CDH5: variants seen among roughly 807,000 people sequenced by gnomAD.
The protein encoded by CDH5 is cadherin-5.
In CDH5, 28 loss-of-function variants were observed where a neutral mutation model predicts 62.0. That is an observed-to-expected ratio of 0.45 (90% confidence interval 0.33 to 0.62). The LOEUF (loss-of-function observed/expected upper bound fraction) is 0.62, where lower values mean the gene tolerates loss of function less well. CDH5 is among the 20% of genes least tolerant of loss of function. The pLI is 0.02. For missense variants in CDH5, 940 were observed against 1,065.1 expected, an observed-to-expected ratio of 0.88 and a Z score of 1.63; for synonymous variants, 464 against 445.8, an observed-to-expected ratio of 1.04 and a Z score of -0.52.
At position 66,389,448 on chromosome 16, in the gene CDH5, G is replaced by C. The variant is rs199524490; in HGVS notation, c.707G>C (p.Arg236Pro). 1.2e-6 allele frequency: 2 copies of C among 1,612,312 alleles called. No individual in the cohort carries two copies. Among genetic ancestry groups the C allele is most frequent in the African/African-American group, 2.7e-5 (2 of 74,820 alleles). The change falls in exon 5 of 12, where the codon CGG (arginine) becomes CCG (proline). Residue 236 changes from arginine to proline, a missense_variant. Coordinates refer to ENST00000341529, the MANE Select transcript of CDH5 (RefSeq NM_001795.5). Reference sequence around the variant, plus strand: ...GAAGCGCGAGATGCCCAGGGCCTCCGGGGGGACTCGGGCACGGCCACCGTG... The same window carrying C: ...GAAGCGCGAGATGCCCAGGGCCTCCCGGGGGACTCGGGCACGGCCACCGTG... ...VVEARDAQGLRGDSGTATVLV... is the reference protein window; with the variant it reads ...VVEARDAQGLPGDSGTATVLV...
chr16:66,402,734 G>A lies in CDH5; in HGVS notation c.1920G>A (p.Glu640=). ...AHGKSVPEIH[E]QLVTYDEEGG... Reference sequence around the variant, plus strand: ...GCAAGAGCGTGCCGGAGATCCACGAGCAGCTGGTCACCTACGACGAGGAGG... The same window carrying A: ...GCAAGAGCGTGCCGGAGATCCACGAACAGCTGGTCACCTACGACGAGGAGG... The change falls in exon 12 of 12, where the codon GAG becomes GAA. Residue 640 remains glutamate, a synonymous_variant. Coordinates refer to ENST00000341529, the MANE Select transcript of CDH5 (RefSeq NM_001795.5). The A allele has an allele frequency of 6.2e-7, 1 of 1,609,992 alleles. No individual in the cohort carries two copies. Among genetic ancestry groups the A allele is most frequent in the Non-Finnish European group, 8.5e-7 (1 of 1,179,072 alleles).
Position 66,403,439 on chromosome 16 carries a change from C to T in CDH5, c.*270C>T, listed in dbSNP as rs892651210. On this transcript the variant is annotated 3_prime_UTR_variant, in exon 12 of 12. Transcript: ENST00000341529. The surrounding 1 kb of genome is among the most constrained non-coding windows in gnomAD (Gnocchi z 4.3). The stretch of plus-strand genomic sequence containing the variant: ...CAGACATCCACATAACCCTGTCACC[C>T]ACAGACCGCCGTCTAACTCAAAGAC... 2.1e-6 allele frequency: 1 copy of T among 487,350 alleles called. No individual in the cohort carries two copies. The highest frequency in any genetic ancestry group is 3.7e-6 in the Non-Finnish European group (1 of 269,796). 30.2% of individuals were successfully genotyped at this position (487,350 alleles called of 1,614,324 possible).
rs764435327 is a variant in CDH5, at chr16:66,392,132, G to T, written c.970-4G>T. ...GGCACTCACCATCCTTTTTCCTTAC[G>T]CAGCCTCTGGATTATGAATACATCC... On this transcript the variant is annotated splice_region_variant and splice_polypyrimidine_tract_variant and intron_variant, in intron 6 of 11. Transcript: ENST00000341529. The T allele has an allele frequency of 3.7e-6, 6 of 1,613,674 alleles. No individual in the cohort carries two copies. The African/African-American group carries it at 4.0e-5, about 11-fold the overall frequency.
rs576466338 is a variant in CDH5 at position 66,379,946 on chromosome 16, ATGG to A, written c.210+405_210+407del. Among the ~76,000 whole-genome samples the A allele has an allele frequency of 2.8e-3, 235 of 85,074 alleles. 3 individuals carry two copies. Among genetic ancestry groups the A allele is most frequent in the Non-Finnish European group, 5.0e-3 (192 of 38,120 alleles). The allele number at this position is 85,074 out of a possible 152,430, so 55.8% of individuals were successfully genotyped here. On this transcript the variant is annotated intron_variant, in intron 2 of 11. Transcript: ENST00000341529. Reference sequence around the variant, plus strand: ...GTAGGTGTTGGTGGTGATCACGGTGATGGTGGTGATGATAAAGGGGTAGGTGTT... The same window carrying A: ...GTAGGTGTTGGTGGTGATCACGGTGATGGTGATGATAAAGGGGTAGGTGTT...
chr16:66,400,832 C>T lies in CDH5; in HGVS notation c.1653C>T (p.His551=), dbSNP rs767590521. 1.2e-6 allele frequency: 2 copies of T among 1,614,110 alleles called. No individual in the cohort carries two copies. The highest frequency in any genetic ancestry group is 1.7e-6 in the Non-Finnish European group (2 of 1,180,046). ...TTGACCGGGAGCATACCAAGGTCCA[C>T]TTCCTACCCGTGGTCATCTCAGACA... is the stretch of plus-strand genomic sequence containing the variant. ...GQFDREHTKV[H]FLPVVISDNG... The change falls in exon 11 of 12, where the codon CAC becomes CAT. Residue 551 remains histidine, a synonymous_variant. Coordinates refer to ENST00000341529, the MANE Select transcript of CDH5 (RefSeq NM_001795.5).
intron 8 of CDH5, among the ~76,000 whole-genome samples, chr16:66,397,559 A>G (rs548548566): frequency 4.6e-5 from 7 of 152,308 alleles, no homozygotes; most frequent in Admixed American, 4.6e-4. Flanking sequence ...GATGTAAGTG[A>G]CATAGGCATT....
At position 66,389,481 on chromosome 16, in the gene CDH5, C is replaced by T. The variant is rs202178871; in HGVS notation, c.740C>T (p.Thr247Ile). ...TCGGGCACGGCCACCGTGCTGGTCA[C>T]TCTGCAAGACATCAATGACAACTTC... Reference protein sequence around the residue: ...GDSGTATVLVTLQDINDNFPF... With the variant: ...GDSGTATVLVILQDINDNFPF... Residue 247 changes from threonine (T) to isoleucine (I), a missense_variant, in exon 5 of 12, where the codon ACT becomes ATT. Coordinates refer to ENST00000341529, the MANE Select transcript of CDH5 (RefSeq NM_001795.5). 1.5e-5 allele frequency: 24 copies of T among 1,606,868 alleles called. No homozygotes were observed. The African/African-American group carries it at 2.3e-4, about 15-fold the overall frequency.
In CDH5 at chr16:66,396,173, T is replaced by G. The variant is rs1596944781; in HGVS notation, c.1332T>G (p.Thr444=). 6.2e-7 allele frequency: 1 copy of G among 1,614,216 alleles called. No homozygotes were observed. The highest frequency in any genetic ancestry group is 2.2e-5 in the East Asian group (1 of 44,880). Residue 444 remains threonine (T), a synonymous_variant, in exon 8 of 12, where the codon ACT becomes ACG. Transcript: ENST00000341529. ...DREVYPWYNL[T]VEAKELDSTG... ...AAGTCTACCCCTGGTATAACCTGAC[T>G]GTGGAGGCCAAAGAACTGGATTCCA...
intron 7 of CDH5, among the ~76,000 whole-genome samples, chr16:66,395,018 CTTTTTTTTTT>C (rs1174519256): frequency 0.024 from 328 of 13,786 alleles, 6 homozygotes; most frequent in Non-Finnish European, 0.034. Context: ...CCAGGCTAAT[CTTTTTTTTTT>C]TTTTTTTTTT....
At position 66,386,980 on chromosome 16, in the gene CDH5, G is replaced by A. The variant is rs1960996280; in HGVS notation, c.382G>A (p.Gly128Ser). The A allele has an allele frequency of 6.2e-7, 1 of 1,614,036 alleles. No homozygotes were observed. Among genetic ancestry groups the A allele is most frequent in the African/African-American group, 1.3e-5 (1 of 74,912 alleles). ...LTAVIVDKDT[G>S]ENLETPSSFT... The stretch of plus-strand genomic sequence containing the variant: ...TGCTGTCATTGTGGACAAGGACACT[G>A]GCGAAAACCTGGAGACTCCTTCCAG... The change falls in exon 3 of 12, where the codon GGC becomes AGC. Residue 128 changes from glycine (G) to serine (S), a missense_variant. Physicochemically the swap from Gly to Ser is moderately conservative, Grantham distance 56 (BLOSUM62 0). Transcript: ENST00000341529.
At chr16:66,398,848 G>A (rs953859225) in intron 10 of CDH5, among the ~76,000 whole-genome samples, 2 of 152,178 alleles carry the variant, frequency 1.3e-5, no homozygotes, top group African/African-American at 4.8e-5. Context: ...CTCCCACTGG[G>A]ATTTTCAAAT....
Position 66,390,567 on chromosome 16 carries a change from G to C in CDH5, c.946G>C (p.Glu316Gln), listed in dbSNP as rs142709605. ...FTIETNPAHN[E>Q]GIIKPMKPLD... is the part of the protein sequence containing the mutation. ...CATTGAGACAAACCCCGCCCACAAC[G>C]AGGGCATCATCAAGCCCATGAAGGT... is the stretch of plus-strand genomic sequence containing the variant. Residue 316 changes from glutamate to glutamine, a missense_variant, in exon 6 of 12, where the codon GAG becomes CAG. Coordinates refer to ENST00000341529, the MANE Select transcript of CDH5 (RefSeq NM_001795.5). 3.1e-6 allele frequency: 5 copies of C among 1,613,974 alleles called. No homozygotes were observed. Among genetic ancestry groups the C allele is most frequent in the Non-Finnish European group, 4.2e-6 (5 of 1,180,010 alleles).
chr16:66,385,945 A>T (rs1960975129), intron 2 of CDH5, among the ~76,000 whole-genome samples: 2 of 152,188 alleles, frequency 1.3e-5, no homozygotes. Flanking sequence ...ACTGGCTAGG[A>T]CCCCATCTTT....
rs567424915 is a variant in CDH5, at chr16:66,395,988, G to C, written c.1218-71G>C. 2.0e-5 allele frequency: 30 copies of C among 1,508,538 alleles called. No homozygotes were observed. In the East Asian group the frequency reaches 6.8e-4, roughly 34 times the overall value. The allele number at this position is 1,508,538 out of a possible 1,614,324, so 93.4% of individuals were successfully genotyped here. On this transcript the variant is annotated intron_variant, in intron 7 of 11. Coordinates refer to ENST00000341529, the MANE Select transcript of CDH5 (RefSeq NM_001795.5). ...CAGGGGACAGATGCAGAAGGGCCTT[G>C]TCCATCATGCTGAGGAGTGTAGACT...
At chr16:66,386,750 C>T in intron 2 of CDH5, 59 bp from the exon 3 acceptor site, 1 of 1,451,532 alleles carries the variant, frequency 6.9e-7, no homozygotes, top group Non-Finnish European at 9.4e-7. Flanking sequence ...CTCTCACTCA[C>T]ACACTCACAC....
At chr16:66,373,954 T>C (rs1960738371) in intron 1 of CDH5, among the ~76,000 whole-genome samples, 1 of 152,094 alleles carries the variant, frequency 6.6e-6, no homozygotes, top group African/African-American at 2.4e-5. Context: ...AATAGTTCAT[T>C]ATTATTACAT....
intron 2 of CDH5, among the ~76,000 whole-genome samples, chr16:66,379,912 G>A (rs1164648319): frequency 6.8e-6 from 1 of 146,840 alleles, no homozygotes; most frequent in Non-Finnish European, 1.5e-5. Context: ...TGGTGGTGAT[G>A]ATAAAGGGGT....
chr16:66,389,432 G>A lies in CDH5; in HGVS notation c.691G>A (p.Asp231Asn). 1.9e-6 allele frequency: 3 copies of A among 1,613,666 alleles called. No homozygotes were observed. The highest frequency in any genetic ancestry group is 2.5e-6 in the Non-Finnish European group (3 of 1,179,752). The change falls in exon 5 of 12, where the codon GAT (aspartate) becomes AAT (asparagine). Residue 231 changes from aspartate to asparagine, a missense_variant. Coordinates refer to ENST00000341529, the MANE Select transcript of CDH5 (RefSeq NM_001795.5). ...ARYEIVVEAR[D>N]AQGLRGDSGT... ...GTATGAGATCGTGGTGGAAGCGCGA[G>A]ATGCCCAGGGCCTCCGGGGGGACTC...
rs1385044830 is a variant in CDH5 at position 66,403,363 on chromosome 16, G to A, written c.*194G>A. 6.7e-6 allele frequency: 4 copies of A among 598,020 alleles called. No homozygotes were observed. Among genetic ancestry groups the A allele is most frequent in the East Asian group, 5.6e-5 (2 of 35,886 alleles). 37.0% of individuals were successfully genotyped at this position (598,020 alleles called of 1,614,324 possible). ...GAAATATCCAGGAATATATGTCAGT[G>A]ATGACTATTCTCAAATGCTGGCAAA... On this transcript the variant is annotated 3_prime_UTR_variant, in exon 12 of 12. Transcript: ENST00000341529. The surrounding 1 kb of genome is among the most constrained non-coding windows in gnomAD (Gnocchi z 4.3).
Sources: gnomAD v4.1 joint callset for allele counts (sites outside exome capture counted in the v4.1 genomes callset) on GRCh38, gnomAD v4.1.1 for gene constraint, Gnocchi (gnomAD v3.1) non-coding constraint, MANE v1.5 for transcripts, NCBI Gene and HGNC (gene_info 2026-07-23, HGNC 2026-07-21) for gene names.